GUCY1B1: variants seen among roughly 807,000 people sequenced by gnomAD.
GUCY1B1 encodes guanylate cyclase soluble subunit beta-1.
GUCY1B1 carries 43 observed loss-of-function variants against 71.0 expected under a neutral mutation model. The ratio of observed to expected loss-of-function variants is 0.61; its 90% CI spans 0.47 to 0.78. The LOEUF is 0.78. GUCY1B1 is among the 30% of genes least tolerant of loss of function. The pLI is 0.00. For missense variants in GUCY1B1, 535 were observed against 754.1 expected, an observed-to-expected ratio of 0.71 and a Z score of 3.40; for synonymous variants, 266 against 259.7, an observed-to-expected ratio of 1.02 and a Z score of -0.23.
Position 155,789,928 on chromosome 4 carries a change from G to T in GUCY1B1, c.495+17G>T. On this transcript the variant is annotated intron_variant, in intron 5 of 13. Transcript: ENST00000264424. ...GACATGAAGGTAACAAACAGCAATG[G>T]AGACTTCTGAACACAGATGACATCT... 2.6e-6 allele frequency: 4 copies of T among 1,520,930 alleles called. No homozygotes were observed. Among genetic ancestry groups the T allele is most frequent in the Non-Finnish European group, 3.6e-6 (4 of 1,101,614 alleles). The allele number at this position is 1,520,930 out of a possible 1,614,324, so 94.2% of individuals were successfully genotyped here.
Position 155,802,330 on chromosome 4 carries a change from C to G in GUCY1B1, c.1176-12C>G. 6.2e-7 allele frequency: 1 copy of G among 1,613,632 alleles called. No homozygotes were observed. Among genetic ancestry groups the G allele is most frequent in the Non-Finnish European group, 8.5e-7 (1 of 1,179,756 alleles). On this transcript the variant is annotated splice_polypyrimidine_tract_variant and intron_variant, in intron 9 of 13. Transcript: ENST00000264424. The surrounding 1 kb of genome is among the most constrained non-coding windows in gnomAD (Gnocchi z 4.3). Reference sequence around the variant, plus strand: ...TTTCTTACAGTGGCTTTCTGCTGATCCCACTGAACAGATTGCTGTATTCTG... The same window carrying G: ...TTTCTTACAGTGGCTTTCTGCTGATGCCACTGAACAGATTGCTGTATTCTG...
intron 5 of GUCY1B1, among the ~76,000 whole-genome samples, chr4:155,791,392 G>A (rs1739151219): frequency 6.8e-6 from 1 of 147,030 alleles, no homozygotes. Context: ...TGGGATTACA[G>A]GCGTGAGCCA....
chr4:155,801,134 C>T (rs758100297), intron 9 of GUCY1B1, among the ~76,000 whole-genome samples: 9 of 152,192 alleles, frequency 5.9e-5, no homozygotes, highest in African/African-American at 1.2e-4. Flanking sequence ...AGCTTCTCTT[C>T]CTAGACCAGG....
intron 13 of GUCY1B1, 25 bp downstream of exon 13, chr4:155,805,254 G>T: frequency 6.3e-7 from 1 of 1,588,992 alleles, no homozygotes; most frequent in South Asian, 1.1e-5. Context: ...AGTGTAATTT[G>T]CGTACTTAAG....
Position 155,796,709 on chromosome 4 carries a change from C to G in GUCY1B1, c.977+199C>G, listed in dbSNP as rs58885710. On this transcript the variant is annotated intron_variant, in intron 8 of 13. Transcript: ENST00000264424. ...ATAAACTCAGAAGAAATCACATACTCTATGTTATTTGCCATGTCTTAATAC... is the reference window on the plus strand; with the variant it reads ...ATAAACTCAGAAGAAATCACATACTGTATGTTATTTGCCATGTCTTAATAC... Among the ~76,000 whole-genome samples, 8,079 of 152,184 alleles carry G rather than the reference C, an allele frequency of 0.053. 701 individuals carry two copies. Among genetic ancestry groups the G allele is most frequent in the African/African-American group, 0.18 (7,611 of 41,484 alleles).
chr4:155,762,589 T>C (rs1279147899), intron 2 of GUCY1B1, among the ~76,000 whole-genome samples: 1 of 152,094 alleles, frequency 6.6e-6, no homozygotes, highest in Non-Finnish European at 1.5e-5. Flanking sequence ...GTAAACTCAG[T>C]ATCCACTTAC....
At chr4:155,776,555 A>T (rs958604774) in intron 3 of GUCY1B1, among the ~76,000 whole-genome samples, 6 of 152,112 alleles carry the variant, frequency 3.9e-5, no homozygotes, top group African/African-American at 1.4e-4. Context: ...CTGTGGTCCC[A>T]GCTACTCAGG....
chr4:155,759,915 C>A (rs1421862079), intron 2 of GUCY1B1, 55 bp downstream of exon 2: 3 of 1,320,470 alleles, frequency 2.3e-6, no homozygotes, highest in East Asian at 2.3e-5. Flanking sequence ...TGTGGGAGGC[C>A]CCCCGCGCCT....
intron 3 of GUCY1B1, among the ~76,000 whole-genome samples, chr4:155,777,028 T>A (rs1738098042): frequency 6.6e-6 from 1 of 152,196 alleles, no homozygotes; most frequent in Non-Finnish European, 1.5e-5. Flanking sequence ...ATCTTGAGGA[T>A]GGGATTCAAG....
At chr4:155,764,243 G>C (rs759098489) in intron 2 of GUCY1B1, among the ~76,000 whole-genome samples, 1 of 152,170 alleles carries the variant, frequency 6.6e-6, no homozygotes, top group Non-Finnish European at 1.5e-5. Context: ...GCCTATGTAT[G>C]TTTTAAAGTA....
chr4:155,783,581 G>A (rs1738577251), intron 4 of GUCY1B1, among the ~76,000 whole-genome samples: 1 of 152,222 alleles, frequency 6.6e-6, no homozygotes, highest in East Asian at 1.9e-4. Context: ...ATCAACTAGC[G>A]CCTCTGTTCA....
At chr4:155,793,687 AG>A (rs1739337785) in intron 5 of GUCY1B1, among the ~76,000 whole-genome samples, 168 bp from the exon 6 acceptor site, 1 of 152,228 alleles carries the variant, frequency 6.6e-6, no homozygotes, top group African/African-American at 2.4e-5. Context: ...TATAGATCAA[AG>A]TCCAGAAATA....
chr4:155,800,012 C>G lies in GUCY1B1; in HGVS notation c.1113C>G (p.Ile371Met). ...ACAAACTCACCCAAGAACTGGAAATCCTCACTGACAGGCTACAGCTCACGT... is the reference window on the plus strand; with the variant it reads ...ACAAACTCACCCAAGAACTGGAAATGCTCACTGACAGGCTACAGCTCACGT... The part of the protein sequence containing the change: ...EEYKLTQELE[I>M]LTDRLQLTLR... Residue 371 changes from isoleucine (I) to methionine (M), a missense_variant, in exon 9 of 14, where the codon ATC becomes ATG. Transcript: ENST00000264424. 1.2e-6 allele frequency: 2 copies of G among 1,613,664 alleles called. No homozygotes were observed. The highest frequency in any genetic ancestry group is 1.7e-6 in the Non-Finnish European group (2 of 1,179,648).
chr4:155,801,719 G>C (rs1329248450), intron 9 of GUCY1B1, among the ~76,000 whole-genome samples: 1 of 152,066 alleles, frequency 6.6e-6, no homozygotes, highest in Non-Finnish European at 1.5e-5. Context: ...TCCTCCTCCT[G>C]TGTGCTCACA....
chr4:155,802,044 G>C lies in GUCY1B1; in HGVS notation c.1176-298G>C, dbSNP rs539804339. On this transcript the variant is annotated intron_variant, in intron 9 of 13. Coordinates refer to ENST00000264424, the MANE Select transcript of GUCY1B1 (RefSeq NM_000857.5). The surrounding 1 kb of genome is among the most constrained non-coding windows in gnomAD (Gnocchi z 4.3). ...ATACAGGACTACAAATGAAAACTTT[G>C]ATTTTCTATTACCAGTCTTTTTGTT... 2.0e-4 allele frequency among the ~76,000 whole-genome samples: 30 copies of C among 152,198 alleles called. 1 individual carries two copies. Among genetic ancestry groups the C allele is most frequent in the African/African-American group, 6.7e-4 (28 of 41,524 alleles).
rs1024659919 is a variant in GUCY1B1 at position 155,807,597 on chromosome 4, A to G, written c.*1188A>G. On this transcript the variant is annotated 3_prime_UTR_variant, in exon 14 of 14. Coordinates refer to ENST00000264424, the MANE Select transcript of GUCY1B1 (RefSeq NM_000857.5). Reference sequence around the variant, plus strand: ...TAAATTATTTTTTTCACGTGTCTCTATACAGTTTTTATTTCAATAAAAATA... The same window carrying G: ...TAAATTATTTTTTTCACGTGTCTCTGTACAGTTTTTATTTCAATAAAAATA... 5 of 152,118 alleles carry G rather than the reference A, an allele frequency of 3.3e-5. No homozygotes were observed. The South Asian group carries it at 6.2e-4, about 19-fold the overall frequency. 9.4% of individuals were successfully genotyped at this position (152,118 alleles called of 1,614,324 possible). A position where few individuals can be genotyped will look rare whatever the true frequency, so the allele number is the denominator to read the frequency against.
At chr4:155,800,154 T>A (rs1412751107) in intron 9 of GUCY1B1, 80 bp downstream of exon 9, 2 of 901,330 alleles carry the variant, frequency 2.2e-6, no homozygotes, top group Non-Finnish European at 3.3e-6. Flanking sequence ...AGAACCAGAC[T>A]AAAAAGCCAT....
In GUCY1B1 at chr4:155,804,599, A is replaced by G; in HGVS notation, c.1561A>G (p.Ile521Val). The G allele has an allele frequency of 6.2e-7, 1 of 1,611,174 alleles. No individual in the cohort carries two copies. The highest frequency in any genetic ancestry group is 1.1e-5 in the South Asian group (1 of 90,666). The change falls in exon 12 of 14, where the codon ATA becomes GTA. Residue 521 changes from isoleucine (I) to valine (V), a missense_variant. Physicochemically the swap from Ile to Val is conservative, Grantham distance 29. Transcript: ENST00000264424. The stretch of plus-strand genomic sequence containing the variant: ...AAAGCTTTCTTTTTTGCAGATAACA[A>G]TAGGGATACACACTGGAGAGGTAGT... ...QVDGESVQIT[I>V]GIHTGEVVTG...
At position 155,806,527 on chromosome 4, in the gene GUCY1B1, T is replaced by C. The variant is rs1269773893; in HGVS notation, c.*118T>C. Reference sequence around the variant, plus strand: ...CAGATTTTCTTTTGTCCTTGTCCATTACCCCAAGACTTTCTTCTAGATATA... The same window carrying C: ...CAGATTTTCTTTTGTCCTTGTCCATCACCCCAAGACTTTCTTCTAGATATA... On this transcript the variant is annotated 3_prime_UTR_variant, in exon 14 of 14. Transcript: ENST00000264424. The C allele has an allele frequency of 4.4e-6, 3 of 684,270 alleles. No homozygotes were observed. In the Admixed American group the frequency reaches 7.0e-5, roughly 16 times the overall value. The allele number at this position is 684,270 out of a possible 1,614,324, so 42.4% of individuals were successfully genotyped here. A position where few individuals can be genotyped will look rare whatever the true frequency, so the allele number is the denominator to read the frequency against.
Sources: gnomAD v4.1 joint callset for allele counts (sites outside exome capture counted in the v4.1 genomes callset) on GRCh38, gnomAD v4.1.1 for gene constraint, Gnocchi (gnomAD v3.1) non-coding constraint, MANE v1.5 for transcripts, NCBI Gene and HGNC (gene_info 2026-07-23, HGNC 2026-07-21) for gene names.